TRIM49: variants seen among roughly 807,000 people sequenced by gnomAD.
TRIM49 encodes the protein tripartite motif-containing protein 49.
TRIM49 carries 5 observed loss-of-function variants against 27.4 expected under a neutral mutation model. That is an observed-to-expected ratio of 0.18 (90% CI 0.10 to 0.38). TRIM49 has a LOEUF of 0.38. TRIM49 is among the 10% of genes least tolerant of loss of function. The pLI is 1.00. For synonymous variants in TRIM49, 69 were observed against 166.0 expected (o/e 0.42, Z 4.49); for missense variants, 188 against 487.5 (o/e 0.39, Z 5.79).
the TRIM49 span, among the ~76,000 whole-genome samples, chr11:89,791,511 CA>C: frequency 9.3e-5 from 14 of 150,774 alleles, no homozygotes; most frequent in East Asian, 5.9e-4. Context: ...AGGTTACCCA[CA>C]AAGGGAAGCC....
the TRIM49 span, chr11:89,787,626 T>G: frequency 1.3e-6 from 1 of 790,352 alleles, no homozygotes; most frequent in Non-Finnish European, 1.9e-6. Context: ...GGCATGGTGG[T>G]GCCCCGGGTC....
At chr11:89,785,139 A>G in the TRIM49 span, among the ~76,000 whole-genome samples, 1 of 146,534 alleles carries the variant, frequency 6.8e-6, no homozygotes, top group South Asian at 2.1e-4. Flanking sequence ...TAATCACTTG[A>G]ACCGAGGAGG....
At position 89,800,290 on chromosome 11, in the gene TRIM49, G is replaced by A. The variant is rs555746302; in HGVS notation, c.762-477C>T. On this transcript the variant is annotated intron_variant, in intron 6 of 7. Coordinates refer to ENST00000329758, the MANE Select transcript of TRIM49 (RefSeq NM_020358.2). ...ACAGTTTTTTTCAATCTATTTTTCA[G>A]AACTGTTAACTGATATGTATATATG... is the stretch of plus-strand genomic sequence containing the variant. 8.3e-4 allele frequency among the ~76,000 whole-genome samples: 126 copies of A among 151,566 alleles called. 3 individuals are homozygous for A. Among genetic ancestry groups the A allele is most frequent in the African/African-American group, 3.0e-3 (125 of 40,986 alleles).
chr11:89,803,990 C>A, intron 3 of TRIM49, 69 bp downstream of exon 3: 1 of 1,611,590 alleles, frequency 6.2e-7, no homozygotes, highest in Non-Finnish European at 8.5e-7. Flanking sequence ...TATCCAATCT[C>A]CAAGAAAATA....
intron 1 of TRIM49, among the ~76,000 whole-genome samples, chr11:89,807,692 C>T (rs1364055553): frequency 1.3e-5 from 2 of 151,020 alleles, no homozygotes; most frequent in Non-Finnish European, 2.9e-5. Flanking sequence ...TATCACCTGG[C>T]TAATTTTTTT....
chr11:89,800,761 G>A (rs868497694), intron 6 of TRIM49, among the ~76,000 whole-genome samples: 3 of 150,504 alleles, frequency 2.0e-5, no homozygotes, highest in Non-Finnish European at 3.0e-5. Flanking sequence ...AACAAAAGCA[G>A]GAATCAAATT....
At chr11:89,777,475 A>G in the TRIM49 span, 4 of 1,501,556 alleles carry the variant, frequency 2.7e-6, no homozygotes, top group Non-Finnish European at 3.6e-6. Flanking sequence ...ATGAGAATGC[A>G]GATGATGGAG....
At chr11:89,784,989 A>T in the TRIM49 span, among the ~76,000 whole-genome samples, 2 of 150,094 alleles carry the variant, frequency 1.3e-5, no homozygotes, top group African/African-American at 5.0e-5. Context: ...ATTACTTACA[A>T]TTGAAATAAA....
the TRIM49 span, among the ~76,000 whole-genome samples, chr11:89,773,765 C>G: frequency 3.8e-5 from 5 of 131,530 alleles, no homozygotes; most frequent in Non-Finnish European, 7.7e-5. Context: ...ATGGTGAAAC[C>G]CTGTCTCTAG....
At chr11:89,782,087 C>T in the TRIM49 span, 1 of 1,549,762 alleles carries the variant, frequency 6.5e-7, no homozygotes, top group Non-Finnish European at 8.7e-7. Flanking sequence ...CAACTGGATT[C>T]TGGGAGTCTG....
chr11:89,785,106 T>A, the TRIM49 span, among the ~76,000 whole-genome samples: 3 of 146,334 alleles, frequency 2.1e-5, no homozygotes, highest in East Asian at 4.0e-4. Context: ...GGTTACAGAT[T>A]TTTTATGGAG....
At chr11:89,789,523 T>C in the TRIM49 span, 1 of 146,830 alleles carries the variant, frequency 6.8e-6, no homozygotes, top group Admixed American at 6.7e-5. Flanking sequence ...CATTGGTGAC[T>C]GCACTGCAGC....
chr11:89,798,501 C>G lies in TRIM49; in HGVS notation c.988G>C (p.Ala330Pro), dbSNP rs760809723. The G allele has an allele frequency of 4.4e-6, 7 of 1,593,894 alleles. No homozygotes were observed. Among genetic ancestry groups the G allele is most frequent in the Non-Finnish European group, 5.1e-6 (6 of 1,173,996 alleles). ...YFTATPRSFLAWGVQTFTSGK... is the reference protein window; with the variant it reads ...YFTATPRSFLPWGVQTFTSGK... ...GAGGTGAAAGTCTGAACACCCCATG[C>G]AAGAAAACTTCTAGGTGTTGCAGTG... Residue 330 changes from alanine (A) to proline (P), a missense_variant, in exon 8 of 8, where the codon GCA becomes CCA. Physicochemically the swap from Ala to Pro is conservative, Grantham distance 27 (BLOSUM62 -1). Around this residue, in one of 6 missense-constraint regions of TRIM49, gnomAD observed 94 missense variants for 149.6 expected, o/e 0.63. Transcript: ENST00000329758.
intron 6 of TRIM49, among the ~76,000 whole-genome samples, chr11:89,800,629 G>A (rs1382784659): frequency 1.3e-5 from 2 of 150,084 alleles, no homozygotes; most frequent in South Asian, 4.2e-4. Context: ...TGTAGTCCCG[G>A]GTACTCGGGA....
In TRIM49 at chr11:89,803,684, A is replaced by G. The variant is rs1388847066; in HGVS notation, c.507+14T>C. On this transcript the variant is annotated intron_variant, in intron 4 of 7. Transcript: ENST00000329758. ...CATAAGTTCCTGGAGAAGGTAGAGT[A>G]GTACAGGACTAACCTTCCAGCATCT... is the stretch of plus-strand genomic sequence containing the variant. 1.9e-5 allele frequency: 20 copies of G among 1,037,538 alleles called. No homozygotes were observed. The highest frequency in any genetic ancestry group is 2.8e-5 in the Non-Finnish European group (20 of 716,910). 64.3% of individuals were successfully genotyped at this position (1,037,538 alleles called of 1,614,324 possible). A position where few individuals can be genotyped will look rare whatever the true frequency, so the allele number is the denominator to read the frequency against.
the TRIM49 span, among the ~76,000 whole-genome samples, chr11:89,791,158 CAAAT>C: frequency 6.6e-6 from 1 of 150,968 alleles, no homozygotes; most frequent in Non-Finnish European, 1.5e-5. Context: ...GATTGAAGAA[CAAAT>C]GAATGAAATG....
At chr11:89,778,058 A>G in the TRIM49 span, 2 of 531,726 alleles carry the variant, frequency 3.8e-6, no homozygotes, top group African/African-American at 1.9e-5. Context: ...AAATAAACAC[A>G]AAGTTGGCTT....
chr11:89,784,925 T>G, the TRIM49 span, among the ~76,000 whole-genome samples: 1 of 148,920 alleles, frequency 6.7e-6, no homozygotes, highest in African/African-American at 2.6e-5. Context: ...CTAGAGATAC[T>G]TAATTCATTT....
chr11:89,803,170 C>G (rs1183176307), intron 4 of TRIM49, among the ~76,000 whole-genome samples: 1 of 145,902 alleles, frequency 6.9e-6, no homozygotes, highest in Non-Finnish European at 1.5e-5. Flanking sequence ...GTATTTCTCA[C>G]CGCTTTTCTC....
Sources: gnomAD v4.1 joint callset for allele counts (sites outside exome capture counted in the v4.1 genomes callset) on GRCh38, gnomAD v4.1.1 for gene constraint, gnomAD v4.1.1 regional missense constraint, MANE v1.5 for transcripts, NCBI Gene and HGNC (gene_info 2026-07-23, HGNC 2026-07-21) for gene names.